The following DPYS variants were observed in gnomAD, a reference collection of about 807,000 sequenced individuals.
DPYS encodes dihydropyrimidine amidohydrolase.
In DPYS, 39 loss-of-function variants were observed where a neutral mutation model predicts 50.3. The observed-to-expected ratio is 0.78, with a 90% CI of 0.60 to 1.01. The LOEUF (loss-of-function observed/expected upper bound fraction) is 1.01, where lower values mean the gene tolerates loss of function less well. Among genes scored for constraint, DPYS ranks in the 50% least tolerant of loss-of-function variants. The pLI, the probability that DPYS is intolerant of heterozygous loss-of-function variation, is 0.00. For missense variants in DPYS, 659 were observed against 680.9 expected (o/e 0.97, Z 0.36); for synonymous variants, 245 against 250.7 (o/e 0.98, Z 0.22).
chr8:104,428,273 C>T, intron 5 of DPYS, 152 bp from the exon 6 acceptor site: 2 of 1,006,512 alleles, frequency 2.0e-6, no homozygotes, highest in Non-Finnish European at 3.0e-6. Context: ...GAACATATTT[C>T]ATCCCTCTCC....
intron 4 of DPYS, among the ~76,000 whole-genome samples, chr8:104,432,634 A>G (rs1344416599): frequency 6.6e-6 from 1 of 152,256 alleles, no homozygotes; most frequent in African/African-American, 2.4e-5. Context: ...AGGCAAATAC[A>G]TAGAAGCAGC....
chr8:104,400,166 CCA>C (rs1811747041), intron 7 of DPYS, among the ~76,000 whole-genome samples: 2 of 152,218 alleles, frequency 1.3e-5, no homozygotes, highest in East Asian at 1.9e-4. Flanking sequence ...CATGGCCTTC[CCA>C]CAGAGTGTGT....
intron 7 of DPYS, among the ~76,000 whole-genome samples, chr8:104,406,908 G>T: frequency 6.6e-6 from 1 of 152,200 alleles, no homozygotes; most frequent in East Asian, 1.9e-4. Flanking sequence ...TCCTGGCTGG[G>T]TTACTTCTGG....
At chr8:104,388,414 T>C (rs1811280585) in intron 8 of DPYS, among the ~76,000 whole-genome samples, 1 of 152,202 alleles carries the variant, frequency 6.6e-6, no homozygotes, top group African/African-American at 2.4e-5. Flanking sequence ...CAAATGTCTG[T>C]ACTTTCACAT....
At chr8:104,445,804 G>C (rs1216242247) in intron 3 of DPYS, among the ~76,000 whole-genome samples, 1 of 152,226 alleles carries the variant, frequency 6.6e-6, no homozygotes, top group Non-Finnish European at 1.5e-5. Context: ...CGAGCACTTT[G>C]GGAGGCTGAG....
chr8:104,432,609 A>G (rs957164965), intron 4 of DPYS, among the ~76,000 whole-genome samples: 1 of 152,256 alleles, frequency 6.6e-6, no homozygotes, highest in African/African-American at 2.4e-5. Flanking sequence ...TTACAAAGGA[A>G]GAAAAGAATT....
At chr8:104,390,537 G>A (rs540820812) in intron 8 of DPYS, among the ~76,000 whole-genome samples, 57 of 147,446 alleles carry the variant, frequency 3.9e-4, no homozygotes, top group Non-Finnish European at 4.6e-4. Flanking sequence ...TCACTCTGTC[G>A]CCCAGGCTGG....
intron 3 of DPYS, among the ~76,000 whole-genome samples, chr8:104,446,647 C>T (rs1018148441): frequency 6.6e-5 from 10 of 152,216 alleles, no homozygotes; most frequent in South Asian, 6.2e-4. Context: ...TTACAGCTCA[C>T]GCTCCCTTCT....
At chr8:104,381,588 C>G (rs11779762) in intron 8 of DPYS, among the ~76,000 whole-genome samples, 73,528 of 151,842 alleles carry the variant, frequency 0.48, 18,117 homozygotes, top group Non-Finnish European at 0.52. Context: ...AGTCCCACAA[C>G]TGTCTCCTGC....
intron 8 of DPYS, among the ~76,000 whole-genome samples, chr8:104,382,687 A>G (rs1400270331): frequency 6.6e-6 from 1 of 152,188 alleles, no homozygotes; most frequent in Non-Finnish European, 1.5e-5. Flanking sequence ...TAACGTAAGT[A>G]TAATCCAGGC....
chr8:104,443,500 G>C (rs1813421079), intron 4 of DPYS, among the ~76,000 whole-genome samples: 1 of 152,160 alleles, frequency 6.6e-6, no homozygotes. Flanking sequence ...CAATTCAAAA[G>C]AAATTTATTG....
chr8:104,387,088 C>G (rs550127110), intron 8 of DPYS, among the ~76,000 whole-genome samples: 1 of 152,074 alleles, frequency 6.6e-6, no homozygotes, highest in Admixed American at 6.5e-5. Flanking sequence ...GCAAGCAGAC[C>G]AAATGAACAG....
chr8:104,443,664 G>A (rs1367062742), intron 4 of DPYS, among the ~76,000 whole-genome samples: 4 of 152,122 alleles, frequency 2.6e-5, no homozygotes, highest in Admixed American at 2.0e-4. Context: ...AGGCTGAGGC[G>A]GGTGGATGAT....
At chr8:104,439,283 T>C (rs559917520) in intron 4 of DPYS, among the ~76,000 whole-genome samples, 1 of 152,114 alleles carries the variant, frequency 6.6e-6, no homozygotes, top group Non-Finnish European at 1.5e-5. Context: ...CACCAAAAAC[T>C]AAAGATAGAT....
intron 7 of DPYS, among the ~76,000 whole-genome samples, chr8:104,405,559 T>C (rs1176710746): frequency 6.6e-6 from 1 of 152,254 alleles, no homozygotes; most frequent in East Asian, 1.9e-4. Context: ...ATAAAGCATC[T>C]TGGAGGCTCT....
chr8:104,421,325 G>C (rs2140609462), intron 7 of DPYS: 1 of 152,190 alleles, frequency 6.6e-6, no homozygotes, highest in South Asian at 2.1e-4. Flanking sequence ...TAAAGTGAAG[G>C]ATGGAAATCA....
chr8:104,443,697 A>T lies in DPYS; in HGVS notation c.793+551T>A, dbSNP rs545145386. On this transcript the variant is annotated intron_variant, in intron 4 of 9. Coordinates refer to ENST00000351513, the MANE Select transcript of DPYS (RefSeq NM_001385.3). ...GATTAGAGGTCAGGAGTTTGAGACT[A>T]GCCTGGCCAACATGGTGAAACCCCG... Among the ~76,000 whole-genome samples the T allele has an allele frequency of 1.1e-4, 16 of 152,314 alleles. No homozygotes were observed. In the South Asian group the frequency reaches 3.3e-3, roughly 32 times the overall value.
chr8:104,418,202 G>C (rs1004925843), intron 7 of DPYS, among the ~76,000 whole-genome samples: 2 of 152,138 alleles, frequency 1.3e-5, no homozygotes, highest in African/African-American at 2.4e-5. Flanking sequence ...TCAGTGCTCG[G>C]GCTGCGGGCG....
intron 8 of DPYS, among the ~76,000 whole-genome samples, chr8:104,381,879 CACACAT>C (rs58941534): frequency 0.038 from 4,761 of 126,846 alleles, 239 homozygotes; most frequent in African/African-American, 0.12. Flanking sequence ...CACACACACA[CACACAT>C]ACACACAGAC....
Sources: allele counts gnomAD v4.1 joint callset (sites outside exome capture counted in the v4.1 genomes callset), GRCh38; gene constraint gnomAD v4.1.1; transcripts MANE v1.5; gene names NCBI Gene and HGNC (gene_info 2026-07-23, HGNC 2026-07-21).